Variants in SGCZ observed in about 807,000 individuals in gnomAD.
The protein encoded by SGCZ is sarcoglycan zeta.
SGCZ carries 40 observed loss-of-function variants against 41.3 expected under a neutral mutation model. The observed-to-expected ratio is 0.97, with a 90% CI of 0.75 to 1.26. SGCZ has a LOEUF of 1.26. SGCZ is among the 50% of genes most tolerant of loss of function. The pLI, the probability that SGCZ is intolerant of heterozygous loss-of-function variation, is 0.00. For synonymous variants in SGCZ, 206 were observed against 137.5 expected (o/e 1.50, Z -3.49); for missense variants, 552 against 369.8 (o/e 1.49, Z -4.04).
chr8:15,054,805 A>C (rs1804644677), intron 1 of SGCZ, among the ~76,000 whole-genome samples: 1 of 151,584 alleles, frequency 6.6e-6, no homozygotes, highest in Non-Finnish European at 1.5e-5. Flanking sequence ...AAATACAAAA[A>C]AAAAAAATTA....
intron 1 of SGCZ, among the ~76,000 whole-genome samples, chr8:15,082,561 G>C (rs183659962): frequency 6.6e-6 from 1 of 152,144 alleles, no homozygotes; most frequent in East Asian, 1.9e-4. Context: ...GAAAGACTGA[G>C]ATCTCTTTTT....
At chr8:14,723,308 AG>A (rs1377776408) in intron 1 of SGCZ, among the ~76,000 whole-genome samples, 1 of 152,238 alleles carries the variant, frequency 6.6e-6, no homozygotes, top group Non-Finnish European at 1.5e-5. Context: ...CCTGAACACC[AG>A]GGCTTGTTCC....
chr8:14,548,938 G>A (rs1041881016), intron 2 of SGCZ, among the ~76,000 whole-genome samples: 2 of 152,028 alleles, frequency 1.3e-5, no homozygotes, highest in Non-Finnish European at 2.9e-5. Flanking sequence ...AGTTGGTGAG[G>A]CTGGAAGTCT....
intron 2 of SGCZ, among the ~76,000 whole-genome samples, chr8:14,503,513 T>C (rs761496036): frequency 6.6e-6 from 1 of 152,172 alleles, no homozygotes; most frequent in Non-Finnish European, 1.5e-5. Context: ...CTCATGCCTG[T>C]AATCCCAGCA....
At position 14,344,874 on chromosome 8, in the gene SGCZ, T is replaced by G. The variant is rs112928771; in HGVS notation, c.235-20670A>C. On this transcript the variant is annotated intron_variant, in intron 2 of 7. Transcript: ENST00000382080. ...ATAATCTCAAGTTTAGGAGAGAACGTGAAGTAATGAGAATTTCTACATTGC... is the reference window on the plus strand; with the variant it reads ...ATAATCTCAAGTTTAGGAGAGAACGGGAAGTAATGAGAATTTCTACATTGC... 8.4e-3 allele frequency among the ~76,000 whole-genome samples: 1,275 copies of G among 152,068 alleles called. 12 individuals carry two copies. The highest frequency in any genetic ancestry group is 0.02 in the South Asian group (97 of 4,820).
chr8:14,845,661 C>A (rs185827005), intron 1 of SGCZ, among the ~76,000 whole-genome samples: 103 of 152,252 alleles, frequency 6.8e-4, no homozygotes, highest in African/African-American at 2.4e-3. Context: ...CCAAATTGAA[C>A]TTTCAGAGAT....
Position 14,164,658 on chromosome 8 carries a change from C to T in SGCZ, c.469G>A (p.Ala157Thr), listed in dbSNP as rs927128689. 1.9e-6 allele frequency: 3 copies of T among 1,613,632 alleles called. No homozygotes were observed. Among genetic ancestry groups the T allele is most frequent in the Non-Finnish European group, 1.7e-6 (2 of 1,179,700 alleles). The change falls in exon 5 of 8, where the codon GCC becomes ACC. Residue 157 changes from alanine (A) to threonine (T), a missense_variant. Physicochemically the swap from Ala to Thr is moderately conservative, Grantham distance 58. Transcript: ENST00000382080. ...EAQCKRFEVR[A>T]SEDGRVLFSA... Reference sequence around the variant, plus strand: ...AACAGCACCCTGCCATCTTCACTGGCTCTCACTTCAAATCTTTTACACTGA... The same window carrying T: ...AACAGCACCCTGCCATCTTCACTGGTTCTCACTTCAAATCTTTTACACTGA...
chr8:14,470,446 C>G (rs1467490680), intron 2 of SGCZ, among the ~76,000 whole-genome samples: 1 of 151,950 alleles, frequency 6.6e-6, no homozygotes, highest in Non-Finnish European at 1.5e-5. Context: ...TAGGAAGGAA[C>G]AAATTCTTAT....
At chr8:14,330,786 T>C (rs1038725715) in intron 2 of SGCZ, among the ~76,000 whole-genome samples, 9 of 151,970 alleles carry the variant, frequency 5.9e-5, no homozygotes, top group Non-Finnish European at 1.3e-4. Flanking sequence ...GTAATGGCCA[T>C]AGTGCTGAGC....
intron 1 of SGCZ, among the ~76,000 whole-genome samples, chr8:14,823,454 G>A (rs56875527): frequency 0.37 from 55,879 of 151,942 alleles, 14,250 homozygotes; most frequent in African/African-American, 0.71. Flanking sequence ...AAATACATAA[G>A]AAAGGCCAAC....
At chr8:14,632,568 A>C (rs1806693317) in intron 1 of SGCZ, among the ~76,000 whole-genome samples, 3 of 152,226 alleles carry the variant, frequency 2.0e-5, no homozygotes, top group Admixed American at 6.6e-5. Context: ...AGAAAAAATA[A>C]ATTGAAAGAA....
intron 1 of SGCZ, among the ~76,000 whole-genome samples, chr8:15,152,935 G>C (rs938754068): frequency 2.6e-5 from 4 of 152,154 alleles, no homozygotes; most frequent in African/African-American, 9.7e-5. Context: ...CTGGGTAGAG[G>C]AAAGGGTTTT....
At chr8:14,842,937 G>T (rs1387931071) in intron 1 of SGCZ, among the ~76,000 whole-genome samples, 1 of 152,190 alleles carries the variant, frequency 6.6e-6, no homozygotes, top group African/African-American at 2.4e-5. Context: ...CCTTGCCTGG[G>T]CACGGTGGCT....
At chr8:14,298,007 T>C (rs1298311850) in intron 3 of SGCZ, among the ~76,000 whole-genome samples, 2 of 152,008 alleles carry the variant, frequency 1.3e-5, no homozygotes, top group African/African-American at 4.8e-5. Context: ...TAAGAAGTTA[T>C]CTTGATCAAG....
In SGCZ at chr8:14,325,719, T is replaced by TACAC. The variant is rs371412533; in HGVS notation, c.235-1519_235-1516dup. Among the ~76,000 whole-genome samples, 117 of 87,754 alleles carry TACAC rather than the reference T, an allele frequency of 1.3e-3. 1 individual carries two copies. The highest frequency in any genetic ancestry group is 2.1e-3 in the Non-Finnish European group (88 of 41,364). 57.6% of individuals were successfully genotyped at this position (87,754 alleles called of 152,430 possible). On this transcript the variant is annotated intron_variant, in intron 2 of 7. Coordinates refer to ENST00000382080, the MANE Select transcript of SGCZ (RefSeq NM_139167.4). ...ATATAATTATATATACATATCTGTA[T>TACAC]ACACACACACACACACACACACACA...
In SGCZ at chr8:14,608,917, A is replaced by G. The variant is rs140649923; in HGVS notation, c.40-53991T>C. Among the ~76,000 whole-genome samples, 4 of 152,340 alleles carry G rather than the reference A, an allele frequency of 2.6e-5. No homozygotes were observed. In the East Asian group the frequency reaches 7.7e-4, roughly 29 times the overall value. Reference sequence around the variant, plus strand: ...ATTCTTATGTAATAATAGGCTTCTTAGGACAATTTAGATAAAATTTGACTC... The same window carrying G: ...ATTCTTATGTAATAATAGGCTTCTTGGGACAATTTAGATAAAATTTGACTC... On this transcript the variant is annotated intron_variant, in intron 1 of 7. Coordinates refer to ENST00000382080, the MANE Select transcript of SGCZ (RefSeq NM_139167.4).
chr8:14,869,413 A>C (rs1804061101), intron 1 of SGCZ, among the ~76,000 whole-genome samples: 1 of 152,190 alleles, frequency 6.6e-6, no homozygotes, highest in Admixed American at 6.5e-5. Context: ...AACTCACAAT[A>C]AACTAGGCAT....
intron 3 of SGCZ, among the ~76,000 whole-genome samples, chr8:14,255,132 G>A (rs1330552804): frequency 6.6e-6 from 1 of 151,946 alleles, no homozygotes; most frequent in African/African-American, 2.4e-5. Flanking sequence ...TTCACATCAC[G>A]ACACTACACA....
intron 2 of SGCZ, among the ~76,000 whole-genome samples, chr8:14,386,585 C>G (rs1025228194): frequency 1.3e-5 from 2 of 152,086 alleles, no homozygotes; most frequent in African/African-American, 4.8e-5. Flanking sequence ...GTTTGTAACT[C>G]AACTTCTATG....
Sources: gnomAD v4.1 joint callset for allele counts (sites outside exome capture counted in the v4.1 genomes callset) on GRCh38, gnomAD v4.1.1 for gene constraint, MANE v1.5 for transcripts, NCBI Gene and HGNC (gene_info 2026-07-23, HGNC 2026-07-21) for gene names.